Variants in XYLT1 observed in about 807,000 individuals in gnomAD.
The protein encoded by XYLT1 is beta-D-xylosyltransferase 1.
A neutral mutation model predicts 91.3 loss-of-function variants in XYLT1; 36 were observed. The ratio of observed to expected loss-of-function variants is 0.39; its 90% CI spans 0.30 to 0.52. The LOEUF (loss-of-function observed/expected upper bound fraction) is 0.52, where lower values mean the gene tolerates loss of function less well. Among genes scored for constraint, XYLT1 ranks in the 20% least tolerant of loss-of-function variants. The probability of loss-of-function intolerance (pLI) is 0.68; values close to 1 mark genes in which losing one functional copy is unlikely to be tolerated. For missense variants in XYLT1, 1,242 were observed against 1,284.5 expected (o/e 0.97, Z 0.51); for synonymous variants, 588 against 532.0 (o/e 1.11, Z -1.45).
In XYLT1 at chr16:17,190,032, G is replaced by T. The variant is rs114164396; in HGVS notation, c.1289+8180C>A. ...TTGCACTCCAGCCTGGGCAACAAGA[G>T]GGGAGGCTCCATCTCAAAATAAATA... is the stretch of plus-strand genomic sequence containing the variant. On this transcript the variant is annotated intron_variant, in intron 5 of 11. Coordinates refer to ENST00000261381, the MANE Select transcript of XYLT1 (RefSeq NM_022166.4). Among the ~76,000 whole-genome samples the T allele has an allele frequency of 8.4e-3, 1,278 of 152,248 alleles. 20 individuals carry two copies. The highest frequency in any genetic ancestry group is 0.029 in the African/African-American group (1,208 of 41,550).
intron 2 of XYLT1, among the ~76,000 whole-genome samples, chr16:17,305,175 G>A (rs1280316228): frequency 6.6e-6 from 1 of 152,134 alleles, no homozygotes; most frequent in African/African-American, 2.4e-5. Context: ...CCCAAATCAG[G>A]ATGCCCCCTT....
intron 3 of XYLT1, among the ~76,000 whole-genome samples, chr16:17,221,259 C>T (rs1007650130): frequency 6.6e-6 from 1 of 152,136 alleles, no homozygotes; most frequent in African/African-American, 2.4e-5. Flanking sequence ...ATGCTAACCC[C>T]AGAAACAATG....
chr16:17,338,626 A>C, intron 2 of XYLT1: 1 of 383,482 alleles, frequency 2.6e-6, no homozygotes. Context: ...GCTCACATTC[A>C]CCCTTTTTTT....
At chr16:17,454,158 G>A (rs1054184013) in intron 1 of XYLT1, among the ~76,000 whole-genome samples, 5 of 152,054 alleles carry the variant, frequency 3.3e-5, no homozygotes, top group East Asian at 1.9e-4. Flanking sequence ...AATTAATTCC[G>A]CTCCTAGGTA....
In XYLT1 at chr16:17,138,467, C is replaced by T. The variant is rs550041464; in HGVS notation, c.1652G>A (p.Arg551His). The T allele has an allele frequency of 2.5e-5, 41 of 1,614,016 alleles. 1 individual carries two copies. The highest frequency in any genetic ancestry group is 4.0e-5 in the African/African-American group (3 of 74,900). ...HCDTMVDNNL[R>H]ITNWNRKLGC... ...CAGCTTGCGATTCCAGTTGGTGATG[C>T]GCAGGTTGTTGTCCACCATGGTGTC... The change falls in exon 8 of 12, where the codon CGC (arginine) becomes CAC (histidine). Residue 551 changes from arginine to histidine, a missense_variant. Coordinates refer to ENST00000261381, the MANE Select transcript of XYLT1 (RefSeq NM_022166.4).
intron 2 of XYLT1, among the ~76,000 whole-genome samples, chr16:17,304,080 A>G (rs1023143363): frequency 6.6e-6 from 1 of 152,146 alleles, no homozygotes; most frequent in South Asian, 2.1e-4. Flanking sequence ...GTTGGAAGGT[A>G]AGAAGGCATA....
intron 1 of XYLT1, among the ~76,000 whole-genome samples, chr16:17,413,873 A>G (rs964128668): frequency 1.2e-4 from 18 of 152,254 alleles, no homozygotes; most frequent in Admixed American, 9.8e-4. Flanking sequence ...ATACCCCCTC[A>G]GCCATCACCA....
At chr16:17,460,442 C>A (rs2036803592) in intron 1 of XYLT1, among the ~76,000 whole-genome samples, 1 of 152,228 alleles carries the variant, frequency 6.6e-6, no homozygotes, top group South Asian at 2.1e-4. Context: ...GGGAGGGAGA[C>A]TCCATCATGC....
In XYLT1 at chr16:17,103,942, A is replaced by G. The variant is rs13337555; in HGVS notation, c.*4753T>C. On this transcript the variant is annotated 3_prime_UTR_variant, in exon 12 of 12. Coordinates refer to ENST00000261381, the MANE Select transcript of XYLT1 (RefSeq NM_022166.4). The stretch of plus-strand genomic sequence containing the variant: ...AACAAAACAAAACAAAAAAACTTCT[A>G]AGAGAGCCAGAGAGGAAGAGAGAGA... 0.017 allele frequency: 2,571 copies of G among 153,180 alleles called. 68 individuals are homozygous for G. The highest frequency in any genetic ancestry group is 0.047 in the African/African-American group (1,973 of 41,546). 9.5% of individuals were successfully genotyped at this position (153,180 alleles called of 1,614,324 possible). A position where few individuals can be genotyped will look rare whatever the true frequency, so the allele number is the denominator to read the frequency against.
In XYLT1 at chr16:17,315,914, C is replaced by T. The variant is rs534288592; in HGVS notation, c.402+42098G>A. Among the ~76,000 whole-genome samples, 50 of 152,208 alleles carry T rather than the reference C, an allele frequency of 3.3e-4. 1 individual carries two copies. In the South Asian group the frequency reaches 1.0e-2, roughly 30 times the overall value. ...CCACTGCATTAAACCAAGATCTTAG[C>T]GCTTTGACAAAGGGCCAACGAGAAC... On this transcript the variant is annotated intron_variant, in intron 2 of 11. Transcript: ENST00000261381.
chr16:17,167,099 G>A (rs2031704835), intron 5 of XYLT1, among the ~76,000 whole-genome samples: 1 of 152,232 alleles, frequency 6.6e-6, no homozygotes, highest in African/African-American at 2.4e-5. Flanking sequence ...GCTTGTGCCA[G>A]GTCTTATGAG....
chr16:17,306,218 C>T (rs564345885), intron 2 of XYLT1, among the ~76,000 whole-genome samples: 4 of 151,988 alleles, frequency 2.6e-5, no homozygotes, highest in African/African-American at 9.7e-5. Context: ...CAAATATAAG[C>T]GGTTGGGAGA....
At chr16:17,438,787 G>A (rs1393268282) in intron 1 of XYLT1, among the ~76,000 whole-genome samples, 2 of 152,156 alleles carry the variant, frequency 1.3e-5, no homozygotes, top group East Asian at 3.9e-4. Context: ...CAGATCTCAT[G>A]AGAACTCACT....
At chr16:17,296,807 G>C (rs1479748308) in intron 2 of XYLT1, among the ~76,000 whole-genome samples, 1 of 152,192 alleles carries the variant, frequency 6.6e-6, no homozygotes, top group Non-Finnish European at 1.5e-5. Context: ...ATATTAGCGA[G>C]GGCAAAGGGG....
In XYLT1 at chr16:17,240,418, C is replaced by G. The variant is rs2033327608; in HGVS notation, c.913+18570G>C. Among the ~76,000 whole-genome samples the G allele has an allele frequency of 2.0e-5, 3 of 152,292 alleles. No homozygotes were observed. The South Asian group carries it at 6.2e-4, about 32-fold the overall frequency. On this transcript the variant is annotated intron_variant, in intron 3 of 11. Transcript: ENST00000261381. ...CCAAGTACATCTTAAGAAGCACACT[C>G]TAGATGCAGAATGAAGATTCACTTG...
chr16:17,117,808 TGAG>T lies in XYLT1; in HGVS notation c.2392_2394del (p.Leu798del). ...TGTGTGAATTCGGCAGTGGACTCAA[TGAG>T]GATGTCGTAGGTGGCTGCGATGACA... is the stretch of plus-strand genomic sequence containing the variant. On this transcript the variant is annotated inframe_deletion, in exon 11 of 12. Transcript: ENST00000261381. 1.2e-6 allele frequency: 2 copies of T among 1,614,124 alleles called. No homozygotes were observed. Among genetic ancestry groups the T allele is most frequent in the Non-Finnish European group, 1.7e-6 (2 of 1,180,030 alleles).
At chr16:17,270,714 G>A (rs2033876261) in intron 2 of XYLT1, among the ~76,000 whole-genome samples, 1 of 152,200 alleles carries the variant, frequency 6.6e-6, no homozygotes, top group Non-Finnish European at 1.5e-5. Context: ...ATCTCAAAAA[G>A]TAGGTCAGGG....
chr16:17,221,113 C>T (rs968216300), intron 3 of XYLT1, among the ~76,000 whole-genome samples: 36 of 152,130 alleles, frequency 2.4e-4, no homozygotes, highest in Non-Finnish European at 4.4e-4. Flanking sequence ...TAATCATCAC[C>T]TCCTAACATA....
chr16:17,380,222 A>T (rs1156892909), intron 1 of XYLT1, among the ~76,000 whole-genome samples: 2 of 152,214 alleles, frequency 1.3e-5, no homozygotes, highest in Non-Finnish European at 2.9e-5. Flanking sequence ...CAGGAGGCGG[A>T]GGTTGCAGTG....
Sources: gnomAD v4.1 joint callset for allele counts (sites outside exome capture counted in the v4.1 genomes callset) on GRCh38, gnomAD v4.1.1 for gene constraint, MANE v1.5 for transcripts, NCBI Gene and HGNC (gene_info 2026-07-23, HGNC 2026-07-21) for gene names.